Variants in TMX3 observed in about 807,000 individuals in gnomAD.
TMX3 encodes thioredoxin related transmembrane protein 3, also known as protein disulfide-isomerase TMX3.
Under a neutral mutation model 64.4 loss-of-function variants are expected in TMX3, and 40 were observed. The observed-to-expected ratio is 0.62, with a 90% CI of 0.48 to 0.81. The LOEUF is 0.81. Ranked by LOEUF, TMX3 falls within the 30% of genes least tolerant of loss-of-function variation. TMX3 has a pLI of 0.00. For synonymous variants in TMX3, 189 were observed against 175.7 expected, an observed-to-expected ratio of 1.08 and a Z score of -0.60; for missense variants, 497 against 534.5, an observed-to-expected ratio of 0.93 and a Z score of 0.69.
Position 68,677,205 on chromosome 18 carries a change from GAATT to G in TMX3, c.1105-16_1105-13del, listed in dbSNP as rs755366477. ...CTCTTGAATATAGACTGTGGAAAGA[GAATT>G]AAAACTCAGTTCCCTTCACATGTAA... On this transcript the variant is annotated splice_polypyrimidine_tract_variant and intron_variant, in intron 15 of 15. Transcript: ENST00000299608. 1.9e-6 allele frequency: 3 copies of G among 1,607,352 alleles called. No homozygotes were observed. Among genetic ancestry groups the G allele is most frequent in the Non-Finnish European group, 1.7e-6 (2 of 1,177,100 alleles).
rs1359836306 is a variant in TMX3, at chr18:68,676,826, C to G, written c.*107G>C. The G allele has an allele frequency of 5.8e-6, 8 of 1,388,466 alleles. No individual in the cohort carries two copies. The highest frequency in any genetic ancestry group is 7.7e-6 in the Non-Finnish European group (8 of 1,037,986). The allele number at this position is 1,388,466 out of a possible 1,614,324, so 86.0% of individuals were successfully genotyped here. A position where few individuals can be genotyped will look rare whatever the true frequency, so the allele number is the denominator to read the frequency against. ...CCATGCAGTTGATATTAGCAAAATACGAATAACATGTTCTTTTCTGTAAAG... is the reference window on the plus strand; with the variant it reads ...CCATGCAGTTGATATTAGCAAAATAGGAATAACATGTTCTTTTCTGTAAAG... On this transcript the variant is annotated 3_prime_UTR_variant, in exon 16 of 16. Coordinates refer to ENST00000299608, the MANE Select transcript of TMX3 (RefSeq NM_019022.5).
chr18:68,684,543 T>C, intron 10 of TMX3, 58 bp from the exon 11 acceptor site: 1 of 1,438,350 alleles, frequency 7.0e-7, no homozygotes, highest in Non-Finnish European at 9.7e-7. Context: ...AACTGTTCAA[T>C]TATCACTTTA....
At chr18:68,688,251 G>T (rs1328203709) in intron 9 of TMX3, among the ~76,000 whole-genome samples, 1 of 152,092 alleles carries the variant, frequency 6.6e-6, no homozygotes, top group East Asian at 1.9e-4. Context: ...TTGGGTCATG[G>T]CACTACAGGT....
chr18:68,681,154 AT>A, intron 13 of TMX3, 44 bp from the exon 14 acceptor site: 1 of 1,443,834 alleles, frequency 6.9e-7, no homozygotes, highest in Non-Finnish European at 9.2e-7. Context: ...AAACACAGCA[AT>A]AGCAAGTATT....
At chr18:68,714,716 A>T (rs1019632580) in intron 1 of TMX3, among the ~76,000 whole-genome samples, 3 of 152,234 alleles carry the variant, frequency 2.0e-5, no homozygotes, top group Admixed American at 1.3e-4. Context: ...TCCCACGTCC[A>T]GCATTGGTCC....
Position 68,682,936 on chromosome 18 carries a change from G to A in TMX3, c.894C>T (p.Thr298=). 6.2e-7 allele frequency: 1 copy of A among 1,605,666 alleles called. No homozygotes were observed. The highest frequency in any genetic ancestry group is 8.5e-7 in the Non-Finnish European group (1 of 1,175,374). Reference sequence around the variant, plus strand: ...AGCACTTTACTTACTCCATCAGCAAGGTATTTATGTAGTCATTTCCATCCA... The same window carrying A: ...AGCACTTTACTTACTCCATCAGCAAAGTATTTATGTAGTCATTTCCATCCA... ...GHMDGNDYIN[T]LLMDELTVPT... The change falls in exon 13 of 16, where the codon ACC becomes ACT. Residue 298 remains threonine (T), a synonymous_variant. Transcript: ENST00000299608.
chr18:68,701,919 T>G lies in TMX3; in HGVS notation c.266-129A>C, dbSNP rs536515468. Reference sequence around the variant, plus strand: ...ATATAGATACGTTGTTTTTAAGTCTTAAGATTATAAAATCACACAAAAGAA... The same window carrying G: ...ATATAGATACGTTGTTTTTAAGTCTGAAGATTATAAAATCACACAAAAGAA... On this transcript the variant is annotated intron_variant, in intron 4 of 15. Coordinates refer to ENST00000299608, the MANE Select transcript of TMX3 (RefSeq NM_019022.5). The G allele has an allele frequency of 3.7e-4, 237 of 645,616 alleles. No individual in the cohort carries two copies. In the African/African-American group the frequency reaches 4.0e-3, roughly 11 times the overall value. The allele number at this position is 645,616 out of a possible 1,614,324, so 40.0% of individuals were successfully genotyped here. A position where few individuals can be genotyped will look rare whatever the true frequency, so the allele number is the denominator to read the frequency against.
At chr18:68,709,841 C>CTACATACTACCT (rs1555691260) in intron 4 of TMX3, among the ~76,000 whole-genome samples, 180 bp downstream of exon 4, 1 of 151,908 alleles carries the variant, frequency 6.6e-6, no homozygotes, top group South Asian at 2.1e-4. Context: ...GATTAACACA[C>CTACATACTACCT]ACTACACGCT....
rs527441085 is a variant in TMX3 at position 68,711,229 on chromosome 18, G to A, written c.141+135C>T. The A allele has an allele frequency of 7.0e-4, 350 of 502,744 alleles. 6 individuals are homozygous for A. The South Asian group carries it at 0.018, about 26-fold the overall frequency. The allele number at this position is 502,744 out of a possible 1,614,324, so 31.1% of individuals were successfully genotyped here. On this transcript the variant is annotated intron_variant, in intron 3 of 15. Coordinates refer to ENST00000299608, the MANE Select transcript of TMX3 (RefSeq NM_019022.5). Reference sequence around the variant, plus strand: ...TTTTTAATGTAAAATCTCAAATATAGTAATACTTAAGAAAACAAATTGAGT... The same window carrying A: ...TTTTTAATGTAAAATCTCAAATATAATAATACTTAAGAAAACAAATTGAGT...
At chr18:68,685,013 T>C (rs1483330666) in intron 10 of TMX3, among the ~76,000 whole-genome samples, 4 of 152,192 alleles carry the variant, frequency 2.6e-5, no homozygotes, top group Non-Finnish European at 4.4e-5. Flanking sequence ...TCACATTTAC[T>C]TAACCCTAAA....
intron 6 of TMX3, among the ~76,000 whole-genome samples, chr18:68,698,914 C>T (rs552610251): frequency 4.5e-5 from 6 of 133,216 alleles, no homozygotes; most frequent in Non-Finnish European, 1.0e-4. Flanking sequence ...CCCAGCTACT[C>T]GGGAGGTTGA....
intron 4 of TMX3, among the ~76,000 whole-genome samples, chr18:68,704,642 G>C (rs2030483664): frequency 6.6e-6 from 1 of 152,136 alleles, no homozygotes; most frequent in Non-Finnish European, 1.5e-5. Flanking sequence ...ATATTAGAGA[G>C]AAATAGTTTA....
At chr18:68,705,359 CA>C (rs1237685146) in intron 4 of TMX3, among the ~76,000 whole-genome samples, 1 of 152,156 alleles carries the variant, frequency 6.6e-6, no homozygotes. Context: ...CTATCCAGCC[CA>C]AAAATGTCAA....
rs1298376821 is a variant in TMX3 at position 68,686,749 on chromosome 18, GT to G, written c.736+917del. 92 of 984,986 alleles carry G rather than the reference GT, an allele frequency of 9.3e-5. 1 individual carries two copies. The African/African-American group carries it at 1.3e-3, about 14-fold the overall frequency. The allele number at this position is 984,986 out of a possible 1,614,324, so 61.0% of individuals were successfully genotyped here. ...AAGTAAAACCACAGTCTTTGACACT[GT>G]CCCCGGCAACTTCCAATAATGAGCT... On this transcript the variant is annotated intron_variant, in intron 10 of 15. Transcript: ENST00000299608.
rs1316093312 is a variant in TMX3, at chr18:68,713,854, TA to T, written c.92del (p.Leu31Ter). 6 of 1,554,736 alleles carry T rather than the reference TA, an allele frequency of 3.9e-6. No homozygotes were observed. Among genetic ancestry groups the T allele is most frequent in the Non-Finnish European group, 5.3e-6 (6 of 1,135,980 alleles). The stretch of plus-strand genomic sequence containing the variant: ...TATATATGTATACTCACGATTCATC[TA>T]AATCTTCTACAAATCCTTTACAGAC... Reference protein sequence around the residue: ...MVVCKGFVEDLDESFKENRND... With the variant: ...MVVCKGFVEDXDESFKENRND... On this transcript the variant is annotated frameshift_variant, in exon 2 of 16. Transcript: ENST00000299608. LOFTEE classifies it high-confidence loss of function.
intron 12 of TMX3, among the ~76,000 whole-genome samples, chr18:68,683,889 AT>A (rs1913688011): frequency 6.6e-6 from 1 of 152,166 alleles, no homozygotes; most frequent in Admixed American, 6.5e-5. Context: ...TAATTGTTCT[AT>A]TTTATTATTA....
intron 2 of TMX3, among the ~76,000 whole-genome samples, chr18:68,713,627 GA>G (rs1217958515): frequency 1.3e-5 from 2 of 151,752 alleles, no homozygotes; most frequent in East Asian, 1.9e-4. Flanking sequence ...AGATAATGAG[GA>G]AAAAAAGAAT....
At chr18:68,699,183 T>A (rs1181377111) in intron 6 of TMX3, among the ~76,000 whole-genome samples, 1 of 152,184 alleles carries the variant, frequency 6.6e-6, no homozygotes, top group East Asian at 1.9e-4. Context: ...CACTCTACCC[T>A]AGCCTCAATT....
Position 68,714,955 on chromosome 18 carries a change from G to A in TMX3, c.27C>T (p.Ala9=), listed in dbSNP as rs1222849082. ...CATTACCTGTGGCGCAGAGCCGCAG[G>A]GCCGTCCAACTCTTCCACGCTGCCA... MAAWKSWT[A]LRLCATVVVL... Residue 9 remains alanine, a synonymous_variant, in exon 1 of 16, where the codon GCC becomes GCT. Transcript: ENST00000299608. 3 of 1,572,412 alleles carry A rather than the reference G, an allele frequency of 1.9e-6. No homozygotes were observed. The highest frequency in any genetic ancestry group is 1.2e-5 in the South Asian group (1 of 85,464).
Sources: allele counts gnomAD v4.1 joint callset (sites outside exome capture counted in the v4.1 genomes callset), GRCh38; gene constraint gnomAD v4.1.1; transcripts MANE v1.5; gene names NCBI Gene and HGNC (gene_info 2026-07-23, HGNC 2026-07-21).